Variants in MED23 observed in about 807,000 individuals in gnomAD.
The protein encoded by MED23 is mediator of RNA polymerase II transcription subunit 23.
A neutral mutation model predicts 163.9 loss-of-function variants in MED23; 105 were observed. The ratio of observed to expected loss-of-function variants is 0.64; its 90% CI spans 0.55 to 0.75. The LOEUF (loss-of-function observed/expected upper bound fraction) is 0.75. MED23 is among the 30% of genes least tolerant of loss of function. The pLI is 0.00. For synonymous variants in MED23, 561 were observed against 565.6 expected, an observed-to-expected ratio of 0.99 and a Z score of 0.12; for missense variants, 1,054 against 1,649.0, an observed-to-expected ratio of 0.64 and a Z score of 6.25.
At chr6:131,574,156 T>A (rs553531190) in exon 31 of MED23, 4 of 1,107,652 alleles carry the variant, frequency 3.6e-6, no homozygotes, top group Middle Eastern at 2.0e-4. Context: ...TTAAAGAGGA[T>A]AAAAAACAAA....
chr6:131,586,326 G>GGA (rs1295710493), downstream of MED23, among the ~76,000 whole-genome samples: 1 of 152,022 alleles, frequency 6.6e-6, no homozygotes, highest in Non-Finnish European at 1.5e-5. Context: ...CGTGAACCCG[G>GGA]GAGGTGGAGC....
Position 131,595,960 on chromosome 6 carries a change from T to C in MED23, c.2982A>G (p.Leu994=), listed in dbSNP as rs1303975723. The change falls in exon 22 of 29, where the codon TTA becomes TTG. Residue 994 remains leucine (L), a synonymous_variant. Coordinates refer to ENST00000368068, the MANE Select transcript of MED23 (RefSeq NM_004830.4). The part of the protein sequence containing the change: ...LETLLDHLGG[L]YKFHDRPVTY... ...GAAAAAGCTCACCATGAAATTTATA[T>C]AAGCCTCCTAGATGATCCAGTAGAG... 1 of 1,613,702 alleles carries C rather than the reference T, an allele frequency of 6.2e-7. No individual in the cohort carries two copies. Among genetic ancestry groups the C allele is most frequent in the Non-Finnish European group, 8.5e-7 (1 of 1,179,680 alleles).
At position 131,603,191 on chromosome 6, in the gene MED23, T is replaced by C. The variant is rs1775610203; in HGVS notation, c.1770A>G (p.Pro590=). The C allele has an allele frequency of 3.1e-6, 5 of 1,613,788 alleles. No homozygotes were observed. The Admixed American group carries it at 5.0e-5, about 16-fold the overall frequency. ...GIKGFISQLL[P]TVFKSHAWGI... ...CCCATGCATGTGATTTGAAAACAGT[T>C]GGCAAAAGCTGACCTGGAGGAAAAA... Residue 590 remains proline (P), a synonymous_variant, in exon 16 of 29, where the codon CCA becomes CCG. Coordinates refer to ENST00000368068, the MANE Select transcript of MED23 (RefSeq NM_004830.4).
At chr6:131,579,050 C>T in intron 30 of MED23, 1 of 1,574,002 alleles carries the variant, frequency 6.4e-7, no homozygotes, top group South Asian at 1.1e-5. Flanking sequence ...TGAGATCATC[C>T]TACACAGACT....
intron 6 of MED23, among the ~76,000 whole-genome samples, chr6:131,621,283 T>A (rs1777080673): frequency 6.6e-6 from 1 of 152,066 alleles, no homozygotes; most frequent in Non-Finnish European, 1.5e-5. Context: ...AGTGTATACT[T>A]CAAAATTGCT....
chr6:131,585,377 C>G (rs929574654), downstream of MED23, among the ~76,000 whole-genome samples: 58 of 152,100 alleles, frequency 3.8e-4, no homozygotes, highest in African/African-American at 1.4e-3. Flanking sequence ...TATGATAGTC[C>G]CTACAATCTG....
chr6:131,608,914 CT>C, intron 11 of MED23, among the ~76,000 whole-genome samples: 1 of 152,116 alleles, frequency 6.6e-6, no homozygotes, highest in East Asian at 1.9e-4. Context: ...ACTTGTCTCC[CT>C]TTTTTGGATT....
At chr6:131,625,577 A>G (rs1777426377) in intron 3 of MED23, among the ~76,000 whole-genome samples, 1 of 152,160 alleles carries the variant, frequency 6.6e-6, no homozygotes, top group Non-Finnish European at 1.5e-5. Flanking sequence ...CTCCACAACC[A>G]CTGTTCTCAT....
Position 131,586,766 on chromosome 6 carries a change from G to C in MED23, c.*913C>G, listed in dbSNP as rs1169155340. On this transcript the variant is annotated 3_prime_UTR_variant, in exon 29 of 29. Coordinates refer to ENST00000368068, the MANE Select transcript of MED23 (RefSeq NM_004830.4). ...AATCACACGGTTTATTCATTCAGCAGACTTTACTCATTAGTTTTCAAGTCT... is the reference window on the plus strand; with the variant it reads ...AATCACACGGTTTATTCATTCAGCACACTTTACTCATTAGTTTTCAAGTCT... The C allele has an allele frequency of 6.8e-7, 1 of 1,474,606 alleles. No homozygotes were observed. The allele number at this position is 1,474,606 out of a possible 1,614,324, so 91.3% of individuals were successfully genotyped here. A position where few individuals can be genotyped will look rare whatever the true frequency, so the allele number is the denominator to read the frequency against.
At chr6:131,609,697 A>G (rs1163306606) in intron 11 of MED23, among the ~76,000 whole-genome samples, 1 of 147,466 alleles carries the variant, frequency 6.8e-6, no homozygotes. Flanking sequence ...GTATATACAT[A>G]CATATATATA....
At chr6:131,595,607 T>G (rs988347284) in intron 22 of MED23, among the ~76,000 whole-genome samples, 1 of 152,302 alleles carries the variant, frequency 6.6e-6, no homozygotes. Flanking sequence ...ATCTCCTCCA[T>G]GATTTCCCCC....
downstream of MED23, among the ~76,000 whole-genome samples, chr6:131,585,108 A>G (rs182649063): frequency 6.6e-6 from 1 of 152,302 alleles, no homozygotes; most frequent in East Asian, 1.9e-4. Context: ...GATGTCATCT[A>G]AAATTACCTA....
At position 131,628,242 on chromosome 6, in the gene MED23, C is replaced by T. The variant is rs1451227505; in HGVS notation, c.-193G>A. 7.9e-6 allele frequency: 5 copies of T among 634,330 alleles called. No individual in the cohort carries two copies. The highest frequency in any genetic ancestry group is 5.1e-5 in the Admixed American group (2 of 38,870). 39.3% of individuals were successfully genotyped at this position (634,330 alleles called of 1,614,324 possible). ...CAACAGCAGGAACCTGTACGGAAGA[C>T]GGGAAGGGCCCGGTACGCGCCGTTT... On this transcript the variant is annotated 5_prime_UTR_variant, in exon 1 of 29. Coordinates refer to ENST00000368068, the MANE Select transcript of MED23 (RefSeq NM_004830.4).
chr6:131,627,876 C>T, intron 1 of MED23, 135 bp downstream of exon 1: 1 of 1,235,428 alleles, frequency 8.1e-7, no homozygotes, highest in Non-Finnish European at 1.2e-6. Flanking sequence ...TCCCCGCATA[C>T]AACCTCGGTG....
At chr6:131,616,096 T>G (rs1034905002) in intron 9 of MED23, 94 bp from the exon 10 acceptor site, 41 of 977,788 alleles carry the variant, frequency 4.2e-5, no homozygotes, top group Middle Eastern at 4.6e-4. Context: ...CTAAAGGCAC[T>G]TGTTACCTTC....
intron 17 of MED23, 121 bp from the exon 18 acceptor site, chr6:131,600,283 TAAC>T: frequency 1.1e-6 from 1 of 946,592 alleles, no homozygotes; most frequent in Non-Finnish European, 1.6e-6. Context: ...ATTCACTGCT[TAAC>T]TAGTTATATT....
In MED23 at chr6:131,587,150, T is replaced by G. The variant is rs1774234162; in HGVS notation, c.*529A>C. 8.2e-7 allele frequency: 1 copy of G among 1,214,840 alleles called. No homozygotes were observed. Among genetic ancestry groups the G allele is most frequent in the South Asian group, 2.9e-5 (1 of 34,020 alleles). 75.3% of individuals were successfully genotyped at this position (1,214,840 alleles called of 1,614,324 possible). On this transcript the variant is annotated 3_prime_UTR_variant, in exon 29 of 29. Transcript: ENST00000368068. ...TTTATAATAAAATTTCAAGTCATTT[T>G]AAAAAGAATATGAAGCCTTGTTTGC...
chr6:131,610,410 T>C, intron 10 of MED23, 164 bp from the exon 11 acceptor site: 1 of 719,680 alleles, frequency 1.4e-6, no homozygotes, highest in Admixed American at 2.2e-5. Flanking sequence ...CATCATGTTA[T>C]ATTATTATAC....
intron 30 of MED23, among the ~76,000 whole-genome samples, chr6:131,574,966 G>T (rs1448604450): frequency 6.6e-6 from 1 of 152,156 alleles, no homozygotes; most frequent in Non-Finnish European, 1.5e-5. Context: ...TGTCTCTTCA[G>T]ACTATTCAAC....
Sources: gnomAD v4.1 joint callset for allele counts (sites outside exome capture counted in the v4.1 genomes callset) on GRCh38, gnomAD v4.1.1 for gene constraint, MANE v1.5 for transcripts, NCBI Gene and HGNC (gene_info 2026-07-23, HGNC 2026-07-21) for gene names.